Variants in SPATA13 observed in about 807,000 individuals in gnomAD.
SPATA13 encodes spermatogenesis associated 13.
A neutral mutation model predicts 104.0 loss-of-function variants in SPATA13; 50 were observed. The observed-to-expected ratio is 0.48, with a 90% CI of 0.38 to 0.61. SPATA13 has a LOEUF of 0.61. Among genes scored for constraint, SPATA13 ranks in the 20% least tolerant of loss-of-function variants. The pLI is 0.00. For synonymous variants in SPATA13, 606 were observed against 667.5 expected (o/e 0.91, Z 1.42); for missense variants, 1,524 against 1,690.6 (o/e 0.90, Z 1.73).
In SPATA13 at chr13:24,160,939, C is replaced by T. The variant is rs1049837945; in HGVS notation, c.-112+7C>T. On this transcript the variant is annotated splice_region_variant and intron_variant, in intron 1 of 12. Coordinates refer to ENST00000382108, the MANE Select transcript of SPATA13 (RefSeq NM_001166271.3). ...CCAAGAGGCGCCGCAGGAGGTAAGACGGCTTCGGGCGCGCGGCTCTGCCGG... is the reference window on the plus strand; with the variant it reads ...CCAAGAGGCGCCGCAGGAGGTAAGATGGCTTCGGGCGCGCGGCTCTGCCGG... 5.1e-6 allele frequency: 5 copies of T among 985,764 alleles called. No individual in the cohort carries two copies. In the Admixed American group the frequency reaches 2.5e-4, roughly 48 times the overall value. 61.1% of individuals were successfully genotyped at this position (985,764 alleles called of 1,614,324 possible). A position where few individuals can be genotyped will look rare whatever the true frequency, so the allele number is the denominator to read the frequency against.
rs79006567 is a variant in SPATA13, at chr13:24,144,719, G to T, written c.-111-78100G>T. 8.5e-5 allele frequency among the ~76,000 whole-genome samples: 13 copies of T among 152,168 alleles called. No individual in the cohort carries two copies. In the East Asian group the frequency reaches 2.5e-3, roughly 30 times the overall value. ...CCACCTTTCAGACTTTGGCCAGCGT[G>T]GCGTAGTTGGTGTTTTCTTGACCAG... On this transcript the variant is annotated intron_variant, in intron 3 of 14. Transcript: ENST00000424834.
chr13:24,064,417 G>A (rs913685159), intron 3 of SPATA13, among the ~76,000 whole-genome samples: 1 of 152,208 alleles, frequency 6.6e-6, no homozygotes, highest in African/African-American at 2.4e-5. Flanking sequence ...AAGTTTATAT[G>A]TTGAAATCCT....
chr13:24,289,293 C>G (rs1210579697), intron 8 of SPATA13, 115 bp downstream of exon 8: 3 of 825,820 alleles, frequency 3.6e-6, no homozygotes, highest in East Asian at 5.4e-5. Flanking sequence ...GATGAATCTT[C>G]CATAGAAAGG....
chr13:24,137,094 T>C (rs556035447), intron 3 of SPATA13, among the ~76,000 whole-genome samples: 745 of 35,602 alleles, frequency 0.021, 229 homozygotes, highest in African/African-American at 0.06. Flanking sequence ...CCTCCCAAAG[T>C]GCTGGGATTA....
rs58953154 is a variant in SPATA13, at chr13:24,286,957, C to T, written c.2667+7C>T. ...CCTCAGGGACATCTGTGAGGTGGGA[C>T]GCCAGGCTGGGACCTCACTGAGGGT... On this transcript the variant is annotated splice_region_variant and intron_variant, in intron 7 of 12. Coordinates refer to ENST00000382108, the MANE Select transcript of SPATA13 (RefSeq NM_001166271.3). This position sits in a 1 kb window ranked among gnomAD's most constrained non-coding sequence, Gnocchi z 4.9. The T allele has an allele frequency of 7.6e-4, 1,232 of 1,610,776 alleles. 6 individuals carry two copies. The African/African-American group carries it at 0.014, about 18-fold the overall frequency.
chr13:24,003,076 A>C (rs1338098244), intron 2 of SPATA13, among the ~76,000 whole-genome samples: 2 of 152,162 alleles, frequency 1.3e-5, no homozygotes, highest in Non-Finnish European at 2.9e-5. Flanking sequence ...CAGTCTTCCG[A>C]ACTACAGCAT....
chr13:24,302,619 C>G lies in SPATA13; in HGVS notation c.3680C>G (p.Ala1227Gly), dbSNP rs1462716861. 6.2e-7 allele frequency: 1 copy of G among 1,610,232 alleles called. No homozygotes were observed. Among genetic ancestry groups the G allele is most frequent in the African/African-American group, 1.3e-5 (1 of 74,856 alleles). ...TCAGGCTACAACAGGTGCCCTGTGG[C>G]CCCACCGCACCAGGGCCTGCACCCC... ...KSKGYNRCPV[A>G]PPHQGLHPIH... The change falls in exon 13 of 13, where the codon GCC becomes GGC. Residue 1227 changes from alanine to glycine, a missense_variant. Around this residue, in one of 2 missense-constraint regions of SPATA13, gnomAD observed 435 missense variants for 554.8 expected, o/e 0.78. Coordinates refer to ENST00000382108, the MANE Select transcript of SPATA13 (RefSeq NM_001166271.3).
At position 24,286,568 on chromosome 13, in the gene SPATA13, G is replaced by A. The variant is rs953416783; in HGVS notation, c.2481+175G>A. Among the ~76,000 whole-genome samples, 3 of 152,126 alleles carry A rather than the reference G, an allele frequency of 2.0e-5. No individual in the cohort carries two copies. The highest frequency in any genetic ancestry group is 4.4e-5 in the Non-Finnish European group (3 of 68,018). ...GCAAAAATGTTAAAGGCAGGCAAGC[G>A]AGTTGCTCGGTGTTTCTCTGTGGTC... On this transcript the variant is annotated intron_variant, in intron 6 of 12. Coordinates refer to ENST00000382108, the MANE Select transcript of SPATA13 (RefSeq NM_001166271.3). The surrounding 1 kb of genome is among the most constrained non-coding windows in gnomAD (Gnocchi z 4.9).
At chr13:24,271,798 G>A (rs1874630082) in intron 4 of SPATA13, among the ~76,000 whole-genome samples, 1 of 152,170 alleles carries the variant, frequency 6.6e-6, no homozygotes, top group African/African-American at 2.4e-5. Flanking sequence ...GAGGCAGCCT[G>A]GGGCCCTGTC....
intron 2 of SPATA13, among the ~76,000 whole-genome samples, chr13:24,247,122 G>A (rs1166962112): frequency 3.3e-5 from 5 of 152,138 alleles, no homozygotes; most frequent in African/African-American, 4.8e-5. Flanking sequence ...GATAACAGAG[G>A]TCACTCTCTA....
chr13:24,047,077 G>A (rs531767419), intron 3 of SPATA13, among the ~76,000 whole-genome samples: 12 of 152,288 alleles, frequency 7.9e-5, no homozygotes, highest in African/African-American at 2.9e-4. Flanking sequence ...TGAAATTGTA[G>A]GGGTGTGGAA....
chr13:24,256,936 G>A (rs141451594), intron 4 of SPATA13, among the ~76,000 whole-genome samples: 1,694 of 152,316 alleles, frequency 0.011, 26 homozygotes, highest in African/African-American at 0.039. Flanking sequence ...TGCCCACACT[G>A]CTAGAAGATT....
At position 24,223,622 on chromosome 13, in the gene SPATA13, G is replaced by C. The variant is rs1370560295; in HGVS notation, c.693G>C (p.Val231=). 6.4e-7 allele frequency: 1 copy of C among 1,551,576 alleles called. No homozygotes were observed. Among genetic ancestry groups the C allele is most frequent in the African/African-American group, 1.4e-5 (1 of 73,076 alleles). The change falls in exon 2 of 13, where the codon GTG becomes GTC. Residue 231 remains valine (V), a synonymous_variant. Transcript: ENST00000382108. The part of the protein sequence containing the change: ...HATPTIATGQ[V]PAVCEILVRD... ...CACCCACGATAGCCACTGGCCAGGT[G>C]CCCGCCGTGTGTGAGATTCTCGTGA...
intron 3 of SPATA13, among the ~76,000 whole-genome samples, chr13:24,154,181 C>A (rs966497145): frequency 2.2e-4 from 34 of 152,104 alleles, no homozygotes; most frequent in Non-Finnish European, 3.4e-4. Flanking sequence ...ACCTGATAGT[C>A]TGGCAGTACC....
chr13:24,285,675 T>C (rs955653099), intron 5 of SPATA13, among the ~76,000 whole-genome samples: 18 of 144,530 alleles, frequency 1.2e-4, no homozygotes, highest in Non-Finnish European at 2.7e-4. Flanking sequence ...TGCCACCACA[T>C]CTGGCTTTTT....
intron 1 of SPATA13, among the ~76,000 whole-genome samples, chr13:24,170,582 A>C (rs183604796): frequency 1.0e-3 from 158 of 152,264 alleles, no homozygotes; most frequent in Non-Finnish European, 2.0e-3. Context: ...TGCAGAGTAC[A>C]TCTCTGTTGT....
At chr13:24,003,964 A>G (rs111361522) in intron 2 of SPATA13, among the ~76,000 whole-genome samples, 4 of 152,268 alleles carry the variant, frequency 2.6e-5, no homozygotes, top group African/African-American at 7.2e-5. Context: ...TGTTTTGTAC[A>G]CTTGCTTCAT....
intron 2 of SPATA13, among the ~76,000 whole-genome samples, chr13:24,225,179 T>C (rs1871859418): frequency 6.6e-6 from 1 of 152,222 alleles, no homozygotes; most frequent in African/African-American, 2.4e-5. Flanking sequence ...CCAGATCCCA[T>C]GCCTGCCAAG....
chr13:24,292,719 C>T (rs564119054), intron 9 of SPATA13, among the ~76,000 whole-genome samples: 22 of 152,108 alleles, frequency 1.4e-4, no homozygotes, highest in Non-Finnish European at 2.4e-4. Context: ...AACTTCTGGC[C>T]GGGCGCCATG....
Sources: gnomAD v4.1 joint callset for allele counts (sites outside exome capture counted in the v4.1 genomes callset) on GRCh38, gnomAD v4.1.1 for gene constraint, gnomAD v4.1.1 regional missense constraint, Gnocchi (gnomAD v3.1) non-coding constraint, MANE v1.5 for transcripts, NCBI Gene and HGNC (gene_info 2026-07-23, HGNC 2026-07-21) for gene names.